The following NCAM2 variants were observed in gnomAD, a reference collection of about 807,000 sequenced individuals.
NCAM2 encodes the protein N-CAM-2.
A neutral mutation model predicts 98.1 loss-of-function variants in NCAM2; 30 were observed. That is an observed-to-expected ratio of 0.31 (90% CI 0.23 to 0.41). NCAM2 has a LOEUF of 0.41. NCAM2 is among the 10% of genes least tolerant of loss of function. NCAM2 has a pLI of 1.00. For synonymous variants in NCAM2, 368 were observed against 342.4 expected (o/e 1.07, Z -0.83); for missense variants, 867 against 1,005.8 (o/e 0.86, Z 1.87).
intron 9 of NCAM2, 129 bp from the exon 10 acceptor site, chr21:21,410,145 A>T: frequency 1.7e-6 from 1 of 601,850 alleles, no homozygotes; most frequent in Non-Finnish European, 2.5e-6. Flanking sequence ...AAAGAAAAAA[A>T]AAAAATACAC....
chr21:21,414,469 G>C (rs1028596068), intron 10 of NCAM2, among the ~76,000 whole-genome samples: 5 of 79,676 alleles, frequency 6.3e-5, no homozygotes, highest in Non-Finnish European at 1.2e-4. Context: ...GTTTTTTGTT[G>C]TGTGTTTTTT....
intron 12 of NCAM2, among the ~76,000 whole-genome samples, chr21:21,465,521 A>T (rs2146208674): frequency 6.8e-6 from 1 of 146,906 alleles, no homozygotes; most frequent in East Asian, 1.9e-4. Context: ...ATCCTCATAT[A>T]ATACAGAGAA....
intron 9 of NCAM2, among the ~76,000 whole-genome samples, chr21:21,404,307 A>T (rs1422635199): frequency 6.6e-6 from 1 of 152,092 alleles, no homozygotes; most frequent in South Asian, 2.1e-4. Context: ...CCCAAATCTC[A>T]TCTTGAATTG....
At chr21:21,276,540 C>T (rs2072735013) in intron 1 of NCAM2, among the ~76,000 whole-genome samples, 1 of 151,998 alleles carries the variant, frequency 6.6e-6, no homozygotes. Flanking sequence ...CCAATTTTCT[C>T]CAAACATAAA....
intron 1 of NCAM2, among the ~76,000 whole-genome samples, chr21:21,224,073 A>G (rs1285408138): frequency 6.6e-6 from 1 of 152,152 alleles, no homozygotes; most frequent in Non-Finnish European, 1.5e-5. Flanking sequence ...TTGTGAAGCC[A>G]CTGACACTCG....
intron 15 of NCAM2, among the ~76,000 whole-genome samples, chr21:21,487,347 A>G (rs1043345684): frequency 6.6e-6 from 1 of 152,108 alleles, no homozygotes; most frequent in Non-Finnish European, 1.5e-5. Context: ...GCAAGACATA[A>G]AAATTTAAAC....
chr21:21,274,512 T>TA (rs2072648819), intron 1 of NCAM2, among the ~76,000 whole-genome samples: 1 of 152,212 alleles, frequency 6.6e-6, no homozygotes, highest in Non-Finnish European at 1.5e-5. Context: ...AATGCACTGT[T>TA]ATAAAAATCC....
intron 1 of NCAM2, among the ~76,000 whole-genome samples, chr21:21,201,399 A>G (rs1232863221): frequency 6.6e-6 from 1 of 152,226 alleles, no homozygotes; most frequent in African/African-American, 2.4e-5. Context: ...GGCGAATGCC[A>G]GAATCACAAA....
At chr21:21,210,245 A>T (rs1394122038) in intron 1 of NCAM2, among the ~76,000 whole-genome samples, 1 of 152,216 alleles carries the variant, frequency 6.6e-6, no homozygotes, top group Non-Finnish European at 1.5e-5. Context: ...CCTCTTTTGT[A>T]CTTACTGAAC....
At chr21:21,443,282 G>T (rs1489600195) in intron 12 of NCAM2, among the ~76,000 whole-genome samples, 2 of 152,058 alleles carry the variant, frequency 1.3e-5, no homozygotes, top group African/African-American at 4.8e-5. Flanking sequence ...GCCGAGGGGT[G>T]GGAGCCTGGG....
At position 21,335,540 on chromosome 21, in the gene NCAM2, T is replaced by C. The variant is rs201863336; in HGVS notation, c.773T>C (p.Ile258Thr). 1.2e-6 allele frequency: 2 copies of C among 1,607,306 alleles called. No homozygotes were observed. The highest frequency in any genetic ancestry group is 2.3e-5 in the East Asian group (1 of 44,288). Residue 258 changes from isoleucine (I) to threonine (T), a missense_variant, in exon 7 of 18, where the codon ATA (isoleucine) becomes ACA (threonine). This residue lies in a region of NCAM2 where 447 missense variants were observed against 495.7 expected (regional missense o/e 0.90). Coordinates refer to ENST00000400546, the MANE Select transcript of NCAM2 (RefSeq NM_004540.5). ...CTCATTGAAGAAAATGAGAAGTACA[T>C]ATTGAAAGGGAGCAATACAGAACTC... The part of the protein sequence containing the change: ...GKLIEENEKY[I>T]LKGSNTELTV...
At chr21:21,484,691 C>T (rs564386851) in intron 15 of NCAM2, among the ~76,000 whole-genome samples, 1 of 152,242 alleles carries the variant, frequency 6.6e-6, no homozygotes, top group South Asian at 2.1e-4. Flanking sequence ...TGTATCTTCA[C>T]CCATGAATGA....
intron 1 of NCAM2, among the ~76,000 whole-genome samples, chr21:21,019,125 G>A (rs2064377459): frequency 6.6e-6 from 1 of 152,176 alleles, no homozygotes; most frequent in South Asian, 2.1e-4. Flanking sequence ...GGTTTCCTGT[G>A]AATAAATTTG....
At chr21:21,248,370 A>G (rs1190626777) in intron 1 of NCAM2, among the ~76,000 whole-genome samples, 3 of 152,150 alleles carry the variant, frequency 2.0e-5, no homozygotes, top group South Asian at 2.1e-4. Flanking sequence ...GATTATCATT[A>G]AACAATTGAG....
At chr21:21,006,279 G>A (rs187982235) in intron 1 of NCAM2, among the ~76,000 whole-genome samples, 3 of 152,090 alleles carry the variant, frequency 2.0e-5, no homozygotes. Flanking sequence ...GGCCAAGGCC[G>A]GCAGGTTGCT....
intron 1 of NCAM2, among the ~76,000 whole-genome samples, chr21:21,249,634 C>A (rs377384768): frequency 1.3e-5 from 2 of 152,206 alleles, no homozygotes; most frequent in East Asian, 3.9e-4. Context: ...TTCTTAGAAT[C>A]TAGTACTTTC....
chr21:21,021,038 A>C (rs1568934627), intron 1 of NCAM2, among the ~76,000 whole-genome samples: 3 of 152,168 alleles, frequency 2.0e-5, no homozygotes, highest in African/African-American at 4.8e-5. Flanking sequence ...CCCACAGAGA[A>C]TTACAACACA....
chr21:21,522,986 TG>T (rs1989116405), intron 16 of NCAM2, among the ~76,000 whole-genome samples: 1 of 152,208 alleles, frequency 6.6e-6, no homozygotes, highest in Admixed American at 6.5e-5. Context: ...CCAAATCATT[TG>T]ATCATTTTTA....
chr21:21,467,873 A>C (rs1241488797), intron 13 of NCAM2, among the ~76,000 whole-genome samples: 1 of 151,972 alleles, frequency 6.6e-6, no homozygotes, highest in South Asian at 2.1e-4. Context: ...AAAAGAATGA[A>C]GAAAAGAAAG....
Sources: allele counts gnomAD v4.1 joint callset (sites outside exome capture counted in the v4.1 genomes callset), GRCh38; gene constraint gnomAD v4.1.1; regional missense constraint gnomAD v4.1.1; transcripts MANE v1.5; gene names NCBI Gene and HGNC (gene_info 2026-07-23, HGNC 2026-07-21).